Variants in ANKRD17 observed in about 807,000 individuals in gnomAD.
ANKRD17 encodes the protein ankyrin repeat domain 17.
A neutral mutation model predicts 229.7 loss-of-function variants in ANKRD17; 19 were observed. That is an observed-to-expected ratio of 0.08 (90% CI 0.06 to 0.12). The LOEUF (loss-of-function observed/expected upper bound fraction) is 0.12, where lower values mean the gene tolerates loss of function less well. ANKRD17 is among the 10% of genes least tolerant of loss of function. ANKRD17 has a pLI of 1.00. For synonymous variants in ANKRD17, 1,112 were observed against 1,146.1 expected, an observed-to-expected ratio of 0.97 and a Z score of 0.60; for missense variants, 2,176 against 3,176.8, an observed-to-expected ratio of 0.68 and a Z score of 7.57.
chr4:73,090,789 G>C lies in ANKRD17; in HGVS notation c.6839C>G (p.Pro2280Arg). ...GGSVVSSQST[P>R]ESMLSGKSSY... is the part of the protein sequence containing the mutation. ...GGATTTTCCTGATAGCATAGATTCT[G>C]GTGTTGACTGAGATGAAACAACAGA... Residue 2280 changes from proline to arginine, a missense_variant, in exon 29 of 34, where the codon CCA (proline) becomes CGA (arginine). By Grantham distance (103) the Pro-to-Arg change is moderately radical. Coordinates refer to ENST00000358602, the MANE Select transcript of ANKRD17 (RefSeq NM_032217.5). 6.2e-7 allele frequency: 1 copy of C among 1,614,164 alleles called. No individual in the cohort carries two copies. The highest frequency in any genetic ancestry group is 1.3e-5 in the African/African-American group (1 of 75,038).
At chr4:73,113,945 A>C in intron 23 of ANKRD17, 37 bp from the exon 24 acceptor site, 1 of 1,444,646 alleles carries the variant, frequency 6.9e-7, no homozygotes, top group Non-Finnish European at 9.7e-7. Context: ...AGGCTCACAG[A>C]ACAATTCTCA....
intron 1 of ANKRD17, among the ~76,000 whole-genome samples, chr4:73,204,947 C>T (rs77610664): frequency 0.021 from 3,212 of 152,012 alleles, 115 homozygotes; most frequent in African/African-American, 0.074. Context: ...AAAATACTCA[C>T]AAAAGAATGG....
intron 1 of ANKRD17, among the ~76,000 whole-genome samples, chr4:73,225,882 A>AAG (rs1553942260): frequency 2.1e-5 from 3 of 145,564 alleles, no homozygotes; most frequent in Non-Finnish European, 3.0e-5. Context: ...AAAAAAAAAA[A>AAG]AAAGAAAGAA....
chr4:73,204,358 C>T (rs910872674), intron 1 of ANKRD17, among the ~76,000 whole-genome samples: 1 of 59,146 alleles, frequency 1.7e-5, no homozygotes, highest in Non-Finnish European at 3.0e-5. Flanking sequence ...GAGACTCCGT[C>T]AAAAAAAAAA....
At chr4:73,218,708 C>T (rs1200780947) in intron 1 of ANKRD17, among the ~76,000 whole-genome samples, 1 of 151,522 alleles carries the variant, frequency 6.6e-6, no homozygotes, top group Admixed American at 6.6e-5. Flanking sequence ...TCTACTTCTG[C>T]ACTTCCACCT....
intron 27 of ANKRD17, among the ~76,000 whole-genome samples, chr4:73,096,381 G>A (rs137908026): frequency 2.1e-4 from 32 of 152,260 alleles, no homozygotes; most frequent in African/African-American, 7.7e-4. Flanking sequence ...TGTGTATAGT[G>A]TGTGAAAATA....
chr4:73,225,030 A>G (rs1278728664), intron 1 of ANKRD17, among the ~76,000 whole-genome samples: 1 of 152,230 alleles, frequency 6.6e-6, no homozygotes, highest in Non-Finnish European at 1.5e-5. Context: ...ACCTCATACC[A>G]TACCTAGTGT....
intron 2 of ANKRD17, among the ~76,000 whole-genome samples, chr4:73,173,490 A>G (rs1436205274): frequency 6.6e-6 from 1 of 152,218 alleles, no homozygotes; most frequent in African/African-American, 2.4e-5. Context: ...TGGGCAGAAT[A>G]GCATGTGGAG....
At chr4:73,212,865 A>C (rs1210278068) in intron 1 of ANKRD17, among the ~76,000 whole-genome samples, 3 of 145,812 alleles carry the variant, frequency 2.1e-5, no homozygotes, top group African/African-American at 7.6e-5. Context: ...AAAAAATACA[A>C]AAAAAAAAAA....
intron 24 of ANKRD17, among the ~76,000 whole-genome samples, chr4:73,110,094 C>G (rs1254066302): frequency 9.3e-6 from 1 of 107,626 alleles, no homozygotes. Flanking sequence ...AGGAAAAAAA[C>G]TAAAATGAAG....
intron 2 of ANKRD17, among the ~76,000 whole-genome samples, chr4:73,169,613 T>C (rs1051330634): frequency 2.0e-5 from 3 of 151,600 alleles, no homozygotes; most frequent in African/African-American, 7.3e-5. Flanking sequence ...GAACCCAAAA[T>C]CAGGTGAGCA....
At position 73,078,921 on chromosome 4, in the gene ANKRD17, A is replaced by C. The variant is rs761085703; in HGVS notation, c.7160-31T>G. The C allele has an allele frequency of 1.4e-5, 22 of 1,597,314 alleles. No homozygotes were observed. The East Asian group carries it at 1.8e-4, about 13-fold the overall frequency. Reference sequence around the variant, plus strand: ...GAAGAGATATTTTGAAATAAAATACAGGTCATCTATAGAACATGTAATTTT... The same window carrying C: ...GAAGAGATATTTTGAAATAAAATACCGGTCATCTATAGAACATGTAATTTT... On this transcript the variant is annotated intron_variant, in intron 30 of 33. Transcript: ENST00000358602.
chr4:73,159,233 T>C (rs184239443), intron 3 of ANKRD17, among the ~76,000 whole-genome samples: 302 of 152,364 alleles, frequency 2.0e-3, no homozygotes, highest in African/African-American at 6.9e-3. Flanking sequence ...TTTTTAAGCA[T>C]GTTTAGAACA....
At chr4:73,256,638 T>A (rs1745476444) in intron 1 of ANKRD17, among the ~76,000 whole-genome samples, 1 of 152,220 alleles carries the variant, frequency 6.6e-6, no homozygotes, top group South Asian at 2.1e-4. Flanking sequence ...GAATTACCTG[T>A]AAAATGTTTC....
chr4:73,211,702 C>T (rs1430890408), intron 1 of ANKRD17, among the ~76,000 whole-genome samples: 9 of 151,938 alleles, frequency 5.9e-5, no homozygotes, highest in Non-Finnish European at 1.2e-4. Flanking sequence ...CAAAAATTAG[C>T]TGGGCGTGGT....
intron 29 of ANKRD17, among the ~76,000 whole-genome samples, chr4:73,088,406 A>G (rs1722424984): frequency 6.6e-6 from 1 of 151,910 alleles, no homozygotes; most frequent in Non-Finnish European, 1.5e-5. Flanking sequence ...TCAACTATAC[A>G]CTCCCTAAAA....
chr4:73,219,838 A>G (rs1045844552), intron 1 of ANKRD17, among the ~76,000 whole-genome samples: 2 of 152,144 alleles, frequency 1.3e-5, no homozygotes, highest in South Asian at 2.1e-4. Context: ...TACTTTCTTA[A>G]AGCAAAAATA....
Position 73,195,000 on chromosome 4 carries a change from G to T in ANKRD17, c.394-17467C>A, listed in dbSNP as rs568054946. On this transcript the variant is annotated intron_variant, in intron 1 of 33. Transcript: ENST00000358602. ...TGTTCATTTCTAATATATAGGAATGGAAAACGTTGCTAAACTCACTGATTA... is the reference window on the plus strand; with the variant it reads ...TGTTCATTTCTAATATATAGGAATGTAAAACGTTGCTAAACTCACTGATTA... 2.0e-5 allele frequency among the ~76,000 whole-genome samples: 3 copies of T among 152,168 alleles called. 1 individual carries two copies. In the South Asian group the frequency reaches 6.2e-4, roughly 32 times the overall value.
intron 13 of ANKRD17, 64 bp from the exon 14 acceptor site, chr4:73,141,907 A>ATTTATTCTTTATTTAGAGC: frequency 8.4e-7 from 1 of 1,187,884 alleles, no homozygotes; most frequent in Non-Finnish European, 1.2e-6. Context: ...ATATGCTCTA[A>ATTTATTCTTTATTTAGAGC]ATAAAGAATA....
Sources: gnomAD v4.1 joint callset for allele counts (sites outside exome capture counted in the v4.1 genomes callset) on GRCh38, gnomAD v4.1.1 for gene constraint, MANE v1.5 for transcripts, NCBI Gene and HGNC (gene_info 2026-07-23, HGNC 2026-07-21) for gene names.